Variants in OTUD7B observed in about 807,000 individuals in gnomAD.
OTUD7B encodes OTU deubiquitinase 7B.
Under a neutral mutation model 82.2 loss-of-function variants are expected in OTUD7B, and 34 were observed. That is an observed-to-expected ratio of 0.41 (90% CI 0.31 to 0.55). OTUD7B has a LOEUF of 0.55. OTUD7B is among the 20% of genes least tolerant of loss of function. OTUD7B has a pLI of 0.20. For synonymous variants in OTUD7B, 398 were observed against 402.7 expected (o/e 0.99, Z 0.14); for missense variants, 944 against 1,062.1 (o/e 0.89, Z 1.55).
At chr1:149,985,683 T>C (rs1279008276) in intron 1 of OTUD7B, among the ~76,000 whole-genome samples, 4 of 151,456 alleles carry the variant, frequency 2.6e-5, no homozygotes, top group Non-Finnish European at 4.4e-5. Flanking sequence ...AGAAGGTTGA[T>C]GCTGCAGTCA....
At chr1:150,000,194 G>A (rs1652182854) in intron 1 of OTUD7B, among the ~76,000 whole-genome samples, 2 of 152,162 alleles carry the variant, frequency 1.3e-5, no homozygotes, top group Admixed American at 1.3e-4. Flanking sequence ...GCAAGTGGGA[G>A]CTGGGCATGG....
intron 1 of OTUD7B, among the ~76,000 whole-genome samples, chr1:149,994,618 G>GT (rs1343705367): frequency 7.8e-6 from 1 of 128,384 alleles, no homozygotes; most frequent in African/African-American, 2.8e-5. Flanking sequence ...CCAATTTTTT[G>GT]TTTTTTTAAG....
the OTUD7B span, among the ~76,000 whole-genome samples, chr1:150,044,160 T>C: frequency 2.6e-5 from 4 of 151,664 alleles, no homozygotes; most frequent in Non-Finnish European, 2.9e-5. Context: ...GTAAATAAAA[T>C]CTCACCCAAT....
chr1:149,997,887 A>G (rs1652020416), intron 1 of OTUD7B, among the ~76,000 whole-genome samples: 1 of 152,158 alleles, frequency 6.6e-6, no homozygotes, highest in African/African-American at 2.4e-5. Context: ...CTAAACAACA[A>G]TCAAAAGAAC....
At chr1:149,993,682 T>C (rs1174319612) in intron 1 of OTUD7B, among the ~76,000 whole-genome samples, 4 of 152,194 alleles carry the variant, frequency 2.6e-5, no homozygotes, top group Non-Finnish European at 5.9e-5. Context: ...ACCAAATATT[T>C]TGGTCAAAGG....
chr1:149,997,551 A>G (rs1651998088), intron 1 of OTUD7B, among the ~76,000 whole-genome samples: 1 of 152,186 alleles, frequency 6.6e-6, no homozygotes, highest in South Asian at 2.1e-4. Flanking sequence ...GTGGGGGGAC[A>G]CTAATTGTAT....
At chr1:150,023,730 T>C in the OTUD7B span, among the ~76,000 whole-genome samples, 13 of 152,164 alleles carry the variant, frequency 8.5e-5, no homozygotes, top group African/African-American at 3.1e-4. Flanking sequence ...CATGACGACC[T>C]TGGTTAATAA....
chr1:150,032,680 T>TAAG, the OTUD7B span, among the ~76,000 whole-genome samples: 1 of 140,200 alleles, frequency 7.1e-6, no homozygotes, highest in South Asian at 2.4e-4. Flanking sequence ...GGAAGAGGAA[T>TAAG]AAGAAGAAGA....
At chr1:150,060,683 T>C in the OTUD7B span, among the ~76,000 whole-genome samples, 29 of 152,326 alleles carry the variant, frequency 1.9e-4, no homozygotes, top group African/African-American at 7.0e-4. Context: ...GAAGGTTGAC[T>C]TTCCACCAGT....
chr1:149,959,219 T>C (rs1305630350), intron 7 of OTUD7B, among the ~76,000 whole-genome samples: 1 of 22,528 alleles, frequency 4.4e-5, no homozygotes, highest in African/African-American at 2.0e-4. Flanking sequence ...AGACTCTGTC[T>C]CAAAAAAAAA....
intron 1 of OTUD7B, among the ~76,000 whole-genome samples, chr1:150,008,589 T>G (rs782342017): frequency 6.6e-6 from 1 of 152,202 alleles, no homozygotes; most frequent in East Asian, 1.9e-4. Context: ...TCTTCAGTAT[T>G]AAAAGCAAGG....
At chr1:149,971,340 C>T (rs782648029) in intron 2 of OTUD7B, 89 bp from the exon 3 acceptor site, 189 of 789,032 alleles carry the variant, frequency 2.4e-4, no homozygotes, top group Non-Finnish European at 3.7e-4. Context: ...AACCAGTATG[C>T]AAATACGCAT....
At chr1:150,022,426 A>T in the OTUD7B span, among the ~76,000 whole-genome samples, 71,980 of 100,322 alleles carry the variant, frequency 0.72, 32,800 homozygotes, top group Middle Eastern at 0.87. Flanking sequence ...AAAAAAAATA[A>T]CTACATGCTG....
In OTUD7B at chr1:149,944,226, G is replaced by C. The variant is rs916457191; in HGVS notation, c.2163C>G (p.Val721=). ...AGGTGGCATATGGTGGTAGGCCCCC[G>C]ACACATGGACCCCCTGCCAACTGCC... ...PRRQLAGGPC[V]GGLPPYATFP... The change falls in exon 12 of 12, where the codon GTC becomes GTG. Residue 721 remains valine (V), a synonymous_variant. Coordinates refer to ENST00000581312, the MANE Select transcript of OTUD7B (RefSeq NM_020205.4). 46 of 1,612,870 alleles carry C rather than the reference G, an allele frequency of 2.9e-5. No homozygotes were observed. The highest frequency in any genetic ancestry group is 3.7e-5 in the Non-Finnish European group (44 of 1,179,312).
rs781894234 is a variant in OTUD7B, at chr1:149,977,471, G to C, written c.40C>G (p.Arg14Gly). The stretch of plus-strand genomic sequence containing the variant: ...AGCCCTGGCTCTGCTCCTGTGGAAC[G>C]GACAAAATCTGACAGAACAGCATCC... ...DMDAVLSDFVRSTGAEPGLAR... is the reference protein window; with the variant it reads ...DMDAVLSDFVGSTGAEPGLAR... The change falls in exon 2 of 12, where the codon CGT becomes GGT. Residue 14 changes from arginine to glycine, a missense_variant. This residue lies in a region of OTUD7B where 530 missense variants were observed against 625.6 expected (regional missense o/e 0.85). Transcript: ENST00000581312. The C allele has an allele frequency of 1.1e-5, 17 of 1,614,034 alleles. No individual in the cohort carries two copies. The highest frequency in any genetic ancestry group is 1.4e-5 in the Non-Finnish European group (17 of 1,179,970).
the OTUD7B span, among the ~76,000 whole-genome samples, chr1:150,047,366 C>A: frequency 6.6e-6 from 1 of 152,142 alleles, no homozygotes; most frequent in Non-Finnish European, 1.5e-5. Context: ...TCTCAACACT[C>A]CCCCCAACCT....
At chr1:150,003,419 T>C (rs587753575) in intron 1 of OTUD7B, among the ~76,000 whole-genome samples, 19 of 152,288 alleles carry the variant, frequency 1.2e-4, no homozygotes, top group African/African-American at 4.6e-4. Flanking sequence ...GACTGGAATG[T>C]AATTCTTGTC....
At chr1:150,046,396 C>T in the OTUD7B span, among the ~76,000 whole-genome samples, 1 of 150,618 alleles carries the variant, frequency 6.6e-6, no homozygotes, top group Admixed American at 6.6e-5. Flanking sequence ...ATGATTAATT[C>T]CCAACCCAGT....
At chr1:149,996,900 T>C (rs1651960152) in intron 1 of OTUD7B, among the ~76,000 whole-genome samples, 1 of 152,186 alleles carries the variant, frequency 6.6e-6, no homozygotes, top group East Asian at 1.9e-4. Context: ...ACTATCATCA[T>C]GGGCCATACC....
Sources: allele counts gnomAD v4.1 joint callset (sites outside exome capture counted in the v4.1 genomes callset), GRCh38; gene constraint gnomAD v4.1.1; regional missense constraint gnomAD v4.1.1; transcripts MANE v1.5; gene names NCBI Gene and HGNC (gene_info 2026-07-23, HGNC 2026-07-21).